ROBO2: variants seen among roughly 807,000 people sequenced by gnomAD.
The protein encoded by ROBO2 is roundabout guidance receptor 2, also known as roundabout homolog 2.
ROBO2 carries 53 observed loss-of-function variants against 160.8 expected under a neutral mutation model. The observed-to-expected ratio is 0.33, with a 90% CI of 0.26 to 0.41. ROBO2 has a LOEUF of 0.41. ROBO2 is among the 10% of genes least tolerant of loss of function. The pLI is 1.00. For synonymous variants in ROBO2, 664 were observed against 611.7 expected, an observed-to-expected ratio of 1.09 and a Z score of -1.26; for missense variants, 1,577 against 1,722.4, an observed-to-expected ratio of 0.92 and a Z score of 1.49.
intron 2 of ROBO2, among the ~76,000 whole-genome samples, chr3:76,460,176 G>T (rs1345992972): frequency 6.6e-6 from 1 of 151,658 alleles, no homozygotes; most frequent in Non-Finnish European, 1.5e-5. Context: ...GATGCACTTT[G>T]TGCCAAAAAT....
intron 20 of ROBO2, among the ~76,000 whole-genome samples, chr3:77,606,060 C>T (rs188630710): frequency 2.9e-4 from 44 of 152,188 alleles, no homozygotes; most frequent in Middle Eastern, 3.4e-3. Flanking sequence ...GGTTCATCTA[C>T]CTTAAAGACA....
chr3:76,648,087 T>C (rs968289220), intron 2 of ROBO2, among the ~76,000 whole-genome samples: 2 of 152,058 alleles, frequency 1.3e-5, no homozygotes, highest in Non-Finnish European at 2.9e-5. Flanking sequence ...AATTCTCATA[T>C]TATTGTGATA....
At chr3:76,707,590 A>C (rs920146404) in intron 2 of ROBO2, among the ~76,000 whole-genome samples, 1 of 151,788 alleles carries the variant, frequency 6.6e-6, no homozygotes, top group African/African-American at 2.4e-5. Flanking sequence ...ACTACGAGAG[A>C]TCTTCACACA....
chr3:76,398,804 T>C (rs2077639167), intron 2 of ROBO2, among the ~76,000 whole-genome samples: 1 of 151,912 alleles, frequency 6.6e-6, no homozygotes, highest in Non-Finnish European at 1.5e-5. Flanking sequence ...GTATATTCTA[T>C]TAGTTTAGCA....
At position 76,594,271 on chromosome 3, in the gene ROBO2, G is replaced by A. The variant is rs905362277; in HGVS notation, c.110-503743G>A. 2.6e-5 allele frequency among the ~76,000 whole-genome samples: 4 copies of A among 151,954 alleles called. No homozygotes were observed. In the South Asian group the frequency reaches 8.3e-4, roughly 31 times the overall value. On this transcript the variant is annotated intron_variant, in intron 2 of 26. Coordinates refer to the ROBO2 transcript ENST00000487694. Reference sequence around the variant, plus strand: ...CTCTCTATTCCTAACCTAACCTAATGCTTTGCTCTCAGTCTCATAAAAATA... The same window carrying A: ...CTCTCTATTCCTAACCTAACCTAATACTTTGCTCTCAGTCTCATAAAAATA...
At chr3:77,236,420 G>C (rs1202107262) in intron 2 of ROBO2, among the ~76,000 whole-genome samples, 1 of 152,162 alleles carries the variant, frequency 6.6e-6, no homozygotes, top group Non-Finnish European at 1.5e-5. Flanking sequence ...CCTGAAATCT[G>C]AAAGAGAGGA....
Position 76,229,856 on chromosome 3 carries a change from C to T in ROBO2, c.109+292254C>T, listed in dbSNP as rs182980024. Among the ~76,000 whole-genome samples the T allele has an allele frequency of 3.3e-5, 5 of 152,220 alleles. No homozygotes were observed. In the East Asian group the frequency reaches 9.7e-4, roughly 29 times the overall value. ...AGGTGTTTCCTCCATAACTTTAGCT[C>T]ATGAAAATGAATGTAATGGATTCTC... On this transcript the variant is annotated intron_variant, in intron 2 of 26. Coordinates refer to the ROBO2 transcript ENST00000487694.
At chr3:77,292,261 C>A (rs1217786452) in intron 2 of ROBO2, among the ~76,000 whole-genome samples, 2 of 149,926 alleles carry the variant, frequency 1.3e-5, no homozygotes, top group African/African-American at 4.9e-5. Context: ...GACGGCCAAA[C>A]GGGTAAGCTG....
intron 2 of ROBO2, among the ~76,000 whole-genome samples, chr3:76,900,442 C>T (rs779789644): frequency 3.3e-5 from 5 of 152,202 alleles, no homozygotes; most frequent in African/African-American, 4.8e-5. Flanking sequence ...ACAAGTTGCA[C>T]GATGAGGAAG....
At chr3:75,949,722 A>G (rs1948463145) in intron 2 of ROBO2, among the ~76,000 whole-genome samples, 1 of 151,884 alleles carries the variant, frequency 6.6e-6, no homozygotes, top group African/African-American at 2.4e-5. Context: ...GCACTCACTC[A>G]CTAGTCTAGA....
At chr3:77,028,786 A>C (rs1452088478) in intron 2 of ROBO2, among the ~76,000 whole-genome samples, 1 of 152,176 alleles carries the variant, frequency 6.6e-6, no homozygotes, top group Non-Finnish European at 1.5e-5. Context: ...AGGACTTTTC[A>C]CTTTCCTCCA....
rs549970010 is a variant in ROBO2 at position 76,144,763 on chromosome 3, T to G, written c.109+207161T>G. On this transcript the variant is annotated intron_variant, in intron 2 of 26. Transcript: ENST00000487694. ...TTGTGGAATATGGATGAACTTCAGC[T>G]GGGTCCTGGGGCTTTCCTAAAATTA... Among the ~76,000 whole-genome samples, 3 of 152,156 alleles carry G rather than the reference T, an allele frequency of 2.0e-5. No homozygotes were observed. In the South Asian group the frequency reaches 6.2e-4, roughly 31 times the overall value.
At chr3:77,360,250 C>T (rs991284883) in intron 2 of ROBO2, among the ~76,000 whole-genome samples, 5 of 131,340 alleles carry the variant, frequency 3.8e-5, no homozygotes, top group Non-Finnish European at 8.1e-5. Flanking sequence ...GAATGTAATG[C>T]AACCCCCCCC....
intron 2 of ROBO2, among the ~76,000 whole-genome samples, chr3:76,473,671 T>A (rs9309739): frequency 0.37 from 55,851 of 151,940 alleles, 10,421 homozygotes; most frequent in Non-Finnish European, 0.4. Flanking sequence ...TTTGTAATAG[T>A]TTTGTAAAAA....
chr3:76,264,177 G>A (rs1485820587), intron 2 of ROBO2, among the ~76,000 whole-genome samples: 1 of 152,078 alleles, frequency 6.6e-6, no homozygotes, highest in African/African-American at 2.4e-5. Flanking sequence ...CATGGCACAT[G>A]TGTACCTATG....
Position 77,632,789 on chromosome 3 carries a change from G to T in ROBO2, c.3761-2081G>T, listed in dbSNP as rs145548861. 2.8e-3 allele frequency: 2,064 copies of T among 734,282 alleles called. 56 individuals are homozygous for T. The Admixed American group carries it at 0.042, about 15-fold the overall frequency. 45.5% of individuals were successfully genotyped at this position (734,282 alleles called of 1,614,324 possible). ...CTTTAATACGCATGAATACAGTTTGGATGCTCCATTACCCAAACTCTCTTC... is the reference window on the plus strand; with the variant it reads ...CTTTAATACGCATGAATACAGTTTGTATGCTCCATTACCCAAACTCTCTTC... On this transcript the variant is annotated intron_variant, in intron 23 of 25. Coordinates refer to ENST00000461745, the Ensembl canonical transcript of ROBO2.
chr3:77,004,556 C>T (rs1331076723), intron 2 of ROBO2, among the ~76,000 whole-genome samples: 1 of 152,142 alleles, frequency 6.6e-6, no homozygotes, highest in Non-Finnish European at 1.5e-5. Context: ...TCCAGGAAAG[C>T]AATCTAAACC....
At chr3:77,103,137 A>T (rs906801659) in intron 2 of ROBO2, among the ~76,000 whole-genome samples, 1 of 152,178 alleles carries the variant, frequency 6.6e-6, no homozygotes, top group Non-Finnish European at 1.5e-5. Context: ...GCTGCCTGTG[A>T]TGCAGCTGAG....
intron 2 of ROBO2, among the ~76,000 whole-genome samples, chr3:76,475,581 G>T (rs1361625541): frequency 6.7e-6 from 1 of 149,364 alleles, no homozygotes; most frequent in African/African-American, 2.5e-5. Flanking sequence ...TAGTAAATGT[G>T]TATGGGTGGG....
Sources: gnomAD v4.1 joint callset for allele counts (sites outside exome capture counted in the v4.1 genomes callset) on GRCh38, gnomAD v4.1.1 for gene constraint, MANE v1.5 for transcripts, NCBI Gene and HGNC (gene_info 2026-07-23, HGNC 2026-07-21) for gene names.